Variants in ANO1 observed in about 807,000 individuals in gnomAD.
The protein encoded by ANO1 is anoctamin-1.
ANO1 carries 59 observed loss-of-function variants against 124.0 expected under a neutral mutation model. The observed-to-expected ratio is 0.48, with a 90% CI of 0.39 to 0.59. The LOEUF (loss-of-function observed/expected upper bound fraction) is 0.59, where lower values mean the gene tolerates loss of function less well. ANO1 is among the 20% of genes least tolerant of loss of function. ANO1 has a pLI of 0.00. For missense variants in ANO1, 1,059 were observed against 1,328.0 expected (o/e 0.80, Z 3.15); for synonymous variants, 529 against 532.0 (o/e 0.99, Z 0.08).
intron 10 of ANO1, among the ~76,000 whole-genome samples, chr11:70,128,544 A>T (rs1026916389): frequency 6.6e-6 from 1 of 152,200 alleles, no homozygotes; most frequent in African/African-American, 2.4e-5. Flanking sequence ...CAGAAATGCA[A>T]ACAGCAGTTA....
chr11:70,161,017 C>T (rs917395215), intron 16 of ANO1, 144 bp from the exon 17 acceptor site: 2 of 743,094 alleles, frequency 2.7e-6, no homozygotes, highest in Non-Finnish European at 4.3e-6. Flanking sequence ...TGGCATTTGG[C>T]AGGTGCCCAA....
intron 8 of ANO1, among the ~76,000 whole-genome samples, chr11:70,121,210 T>C (rs1358465965): frequency 6.6e-6 from 1 of 151,440 alleles, no homozygotes; most frequent in African/African-American, 2.4e-5. Flanking sequence ...CCCACTTCTC[T>C]CTGTCCATCT....
rs58217466 is a variant in ANO1, at chr11:70,134,650, C to T, written c.1258+2571C>T. Among the ~76,000 whole-genome samples the T allele has an allele frequency of 4.0e-3, 615 of 152,212 alleles. 8 individuals are homozygous for T. The highest frequency in any genetic ancestry group is 0.031 in the South Asian group (149 of 4,824). ...GTGTGTGGGAGGTACTCATCAGCCA[C>T]GTGTACTGAGCACATGTGTCCCACC... On this transcript the variant is annotated intron_variant, in intron 11 of 25. Transcript: ENST00000355303.
intron 25 of ANO1, among the ~76,000 whole-genome samples, chr11:70,187,078 A>T (rs536590413): frequency 2.9e-4 from 44 of 152,172 alleles, no homozygotes; most frequent in African/African-American, 9.9e-4. Flanking sequence ...GGGAGATGGG[A>T]TGGGGCATAA....
chr11:70,127,457 G>T (rs1355437348), intron 10 of ANO1, among the ~76,000 whole-genome samples: 1 of 152,214 alleles, frequency 6.6e-6, no homozygotes, highest in Non-Finnish European at 1.5e-5. Flanking sequence ...CAGACGTCAG[G>T]GAGCTCGGAA....
At chr11:70,155,878 G>A (rs756959846) in intron 14 of ANO1, 33 bp from the exon 15 acceptor site, 27 of 1,525,566 alleles carry the variant, frequency 1.8e-5, no homozygotes, top group Admixed American at 4.4e-5. Flanking sequence ...CCACTTCACC[G>A]CACGGTGCTC....
chr11:70,051,190 C>T (rs1222711462), intron 1 of ANO1, among the ~76,000 whole-genome samples: 1 of 152,082 alleles, frequency 6.6e-6, no homozygotes, highest in Non-Finnish European at 1.5e-5. Context: ...CCAGTCATTA[C>T]CCTGCACCCA....
chr11:70,168,910 G>A (rs1379224012), intron 21 of ANO1, among the ~76,000 whole-genome samples: 1 of 152,130 alleles, frequency 6.6e-6, no homozygotes, highest in Non-Finnish European at 1.5e-5. Context: ...TGACTCAGGA[G>A]GAGAGGAATC....
At chr11:70,175,830 C>T (rs562507280) in intron 22 of ANO1, among the ~76,000 whole-genome samples, 1 of 152,232 alleles carries the variant, frequency 6.6e-6, no homozygotes, top group African/African-American at 2.4e-5. Flanking sequence ...AGGCAATTTT[C>T]CCCAACAGGG....
At chr11:70,010,134 G>GGT (rs34598701) in intron 1 of ANO1, among the ~76,000 whole-genome samples, 6,851 of 81,124 alleles carry the variant, frequency 0.084, 604 homozygotes, top group African/African-American at 0.15. Context: ...AGTATTCCAT[G>GGT]GTGTGTGTGT....
At chr11:70,013,198 G>A (rs370275561) in intron 1 of ANO1, among the ~76,000 whole-genome samples, 4 of 152,276 alleles carry the variant, frequency 2.6e-5, no homozygotes, top group Admixed American at 6.5e-5. Flanking sequence ...GAGGCAGGAA[G>A]TGCCTGGCAT....
intron 1 of ANO1, among the ~76,000 whole-genome samples, chr11:69,997,524 C>G (rs1856294064): frequency 6.6e-6 from 1 of 152,252 alleles, no homozygotes; most frequent in East Asian, 1.9e-4. Flanking sequence ...AAAGCTCTCC[C>G]CCAGCCACTC....
intron 19 of ANO1, 30 bp downstream of exon 19, chr11:70,163,370 C>G: frequency 6.2e-7 from 1 of 1,612,158 alleles, no homozygotes; most frequent in Non-Finnish European, 8.5e-7. Flanking sequence ...TCTCTGGCAG[C>G]CCCTTCTGTC....
At position 70,126,204 on chromosome 11, in the gene ANO1, C is replaced by T; in HGVS notation, c.1097+9C>T. 10 of 1,608,996 alleles carry T rather than the reference C, an allele frequency of 6.2e-6. No homozygotes were observed. Among genetic ancestry groups the T allele is most frequent in the Non-Finnish European group, 8.5e-6 (10 of 1,177,866 alleles). ...GATGAAAACATCCCCAGGTAGGCGG[C>T]AGCCCACCCCCACCACCCCGCAGTA... On this transcript the variant is annotated intron_variant, in intron 10 of 25. Coordinates refer to ENST00000355303, the MANE Select transcript of ANO1 (RefSeq NM_018043.7).
intron 22 of ANO1, among the ~76,000 whole-genome samples, chr11:70,174,409 A>G (rs1321376163): frequency 6.6e-6 from 1 of 151,984 alleles, no homozygotes; most frequent in Non-Finnish European, 1.5e-5. Context: ...AATAAATTTA[A>G]AAAGCCATTT....
At chr11:70,065,928 C>T (rs1390047031) in intron 1 of ANO1, among the ~76,000 whole-genome samples, 3 of 152,196 alleles carry the variant, frequency 2.0e-5, no homozygotes, top group South Asian at 4.1e-4. Flanking sequence ...CTCGCTAGCC[C>T]GCCGTCCCCT....
chr11:69,992,169 T>C (rs1994773), intron 1 of ANO1, among the ~76,000 whole-genome samples: 27,663 of 151,768 alleles, frequency 0.18, 2,816 homozygotes, highest in Admixed American at 0.22. Flanking sequence ...GGTAGATGAA[T>C]GGATGATGGA....
chr11:70,100,267 T>A (rs537170393), intron 2 of ANO1, among the ~76,000 whole-genome samples: 1 of 152,184 alleles, frequency 6.6e-6, no homozygotes, highest in Non-Finnish European at 1.5e-5. Flanking sequence ...CCGATCCACA[T>A]GCTCCTGGAG....
chr11:70,182,983 C>G (rs746909934), intron 24 of ANO1, among the ~76,000 whole-genome samples: 18 of 152,110 alleles, frequency 1.2e-4, no homozygotes, highest in Non-Finnish European at 2.5e-4. Context: ...GTGGCACTCA[C>G]CTGTAGTTCT....
Sources: gnomAD v4.1 joint callset for allele counts (sites outside exome capture counted in the v4.1 genomes callset) on GRCh38, gnomAD v4.1.1 for gene constraint, MANE v1.5 for transcripts, NCBI Gene and HGNC (gene_info 2026-07-23, HGNC 2026-07-21) for gene names.